Variants in LAMA2 observed in about 807,000 individuals in gnomAD.
LAMA2 encodes laminin subunit alpha 2.
Under a neutral mutation model 364.8 loss-of-function variants are expected in LAMA2, and 269 were observed. The ratio of observed to expected loss-of-function variants is 0.74; its 90% CI spans 0.67 to 0.82. LAMA2 has a LOEUF of 0.82. Among genes scored for constraint, LAMA2 ranks in the 40% least tolerant of loss-of-function variants. The pLI is 0.00. For synonymous variants in LAMA2, 1,379 were observed against 1,370.6 expected, an observed-to-expected ratio of 1.01 and a Z score of -0.14; for missense variants, 3,807 against 3,873.2, an observed-to-expected ratio of 0.98 and a Z score of 0.45.
intron 1 of LAMA2, among the ~76,000 whole-genome samples, chr6:128,948,905 A>G (rs1478208496): frequency 6.6e-6 from 1 of 152,198 alleles, no homozygotes; most frequent in East Asian, 1.9e-4. Context: ...CAGCCTGCAG[A>G]ACAGAGAACC....
chr6:129,516,398 TAAAACAAACAAA>T lies in LAMA2; in HGVS notation c.*52_*63del, dbSNP rs1562647814. On this transcript the variant is annotated 3_prime_UTR_variant, in exon 65 of 65. Transcript: ENST00000421865. ...AGTCTGTCAAAACAAGTATATCAAG[TAAAACAAACAAA>T]TATATTTTACCTATATATGTTAATT... is the stretch of plus-strand genomic sequence containing the variant. The T allele has an allele frequency of 6.5e-7, 1 of 1,546,976 alleles. No homozygotes were observed. The highest frequency in any genetic ancestry group is 1.8e-5 in the Admixed American group (1 of 56,928).
intron 3 of LAMA2, among the ~76,000 whole-genome samples, chr6:129,082,766 T>C (rs940659506): frequency 6.6e-6 from 1 of 152,140 alleles, no homozygotes; most frequent in African/African-American, 2.4e-5. Context: ...TACATGCTTA[T>C]ATAAAAGTAC....
chr6:129,292,695 C>T (rs754078283), intron 20 of LAMA2: 2 of 509,086 alleles, frequency 3.9e-6, no homozygotes, highest in Non-Finnish European at 5.1e-6. Flanking sequence ...TCTCCGATGT[C>T]AAACTGGCCT....
chr6:128,981,988 G>A (rs1028541055), intron 1 of LAMA2, among the ~76,000 whole-genome samples: 1 of 152,102 alleles, frequency 6.6e-6, no homozygotes, highest in African/African-American at 2.4e-5. Flanking sequence ...CTCTAACATA[G>A]CATGAGTCAC....
intron 43 of LAMA2, chr6:129,442,292 T>C: frequency 9.2e-7 from 1 of 1,081,494 alleles, no homozygotes; most frequent in Non-Finnish European, 1.2e-6. Context: ...CAAGGAAGAG[T>C]ACAAACACAT....
At chr6:129,106,435 C>G (rs1273578748) in intron 4 of LAMA2, among the ~76,000 whole-genome samples, 3 of 152,104 alleles carry the variant, frequency 2.0e-5, no homozygotes, top group Non-Finnish European at 4.4e-5. Flanking sequence ...GAAGACCTAG[C>G]CTTTCTCAAT....
chr6:129,222,268 A>C lies in LAMA2; in HGVS notation c.1783-27844A>C, dbSNP rs72973220. On this transcript the variant is annotated intron_variant, in intron 12 of 64. Transcript: ENST00000421865. ...TCATAAATCAAGTCTTCTCATCTTT[A>C]AAATGGAATTAGTAGGAGTACTTAG... 3.2e-3 allele frequency among the ~76,000 whole-genome samples: 480 copies of C among 152,246 alleles called. 2 individuals carry two copies. The highest frequency in any genetic ancestry group is 4.9e-3 in the Non-Finnish European group (335 of 68,006).
chr6:129,301,735 G>T (rs1001595064), intron 22 of LAMA2, among the ~76,000 whole-genome samples: 7 of 152,120 alleles, frequency 4.6e-5, no homozygotes, highest in African/African-American at 1.7e-4. Flanking sequence ...CCCATTTATA[G>T]TAATGAATTT....
At chr6:128,990,664 T>A (rs746119954) in intron 1 of LAMA2, among the ~76,000 whole-genome samples, 4 of 152,160 alleles carry the variant, frequency 2.6e-5, no homozygotes, top group Admixed American at 2.0e-4. Flanking sequence ...TATTTTGTTT[T>A]TAAATAGGCC....
chr6:129,388,681 A>C (rs977216451), intron 35 of LAMA2, among the ~76,000 whole-genome samples: 1 of 152,182 alleles, frequency 6.6e-6, no homozygotes. Context: ...ATACACGCAC[A>C]CACACACACG....
chr6:129,401,191 C>T (rs1476248908), intron 37 of LAMA2, 33 bp from the exon 38 acceptor site: 2 of 1,340,438 alleles, frequency 1.5e-6, no homozygotes, highest in Non-Finnish European at 2.1e-6. Flanking sequence ...TATGAAAATG[C>T]AATTTTGATG....
At chr6:129,068,839 T>C (rs1219951697) in intron 3 of LAMA2, among the ~76,000 whole-genome samples, 4 of 152,222 alleles carry the variant, frequency 2.6e-5, no homozygotes, top group African/African-American at 9.6e-5. Context: ...GGGACTGTCA[T>C]TTTTTGTTTT....
intron 12 of LAMA2, among the ~76,000 whole-genome samples, chr6:129,198,759 A>G (rs1781999952): frequency 6.6e-6 from 1 of 152,178 alleles, no homozygotes; most frequent in Non-Finnish European, 1.5e-5. Flanking sequence ...CAATAAGAAT[A>G]CAATTTAGAA....
At position 128,973,359 on chromosome 6, in the gene LAMA2, T is replaced by C. The variant is rs1033433655; in HGVS notation, c.113-76559T>C. Among the ~76,000 whole-genome samples the C allele has an allele frequency of 2.0e-5, 3 of 152,332 alleles. No individual in the cohort carries two copies. The East Asian group carries it at 5.8e-4, about 29-fold the overall frequency. ...ACACTGATAATAAGAGAGTTTGACA[T>C]TCTTTATAATTTTTCTTTTGCCAGG... On this transcript the variant is annotated intron_variant, in intron 1 of 64. Transcript: ENST00000421865.
rs202159946 is a variant in LAMA2, at chr6:129,512,395, G to T, written c.8890G>T (p.Val2964Leu). The T allele has an allele frequency of 4.4e-5, 71 of 1,613,502 alleles. No individual in the cohort carries two copies. Among genetic ancestry groups the T allele is most frequent in the Non-Finnish European group, 5.1e-6 (6 of 1,179,602 alleles). The part of the protein sequence containing the change: ...GGFKVGLDLL[V>L]EFEFRTTTTT... The stretch of plus-strand genomic sequence containing the variant: ...ATTCAAAGTGGGATTGGACCTTCTT[G>T]TAGAATTTGAATTCCGCACAACTAC... The change falls in exon 63 of 65, where the codon GTA (valine) becomes TTA (leucine). Residue 2964 changes from valine to leucine, a missense_variant. Around this residue, in one of 3 missense-constraint regions of LAMA2, gnomAD observed 3,333 missense variants for 3,345.7 expected, o/e 1.00. Coordinates refer to ENST00000421865, the MANE Select transcript of LAMA2 (RefSeq NM_000426.4).
At position 129,502,740 on chromosome 6, in the gene LAMA2, A is replaced by T. The variant is rs569286697; in HGVS notation, c.8326A>T (p.Ile2776Phe). Residue 2776 changes from isoleucine to phenylalanine, a missense_variant, in exon 59 of 65, where the codon ATT becomes TTT. Physicochemically the swap from Ile to Phe is conservative, Grantham distance 21 (BLOSUM62 0). This residue lies in a region of LAMA2 where 3,333 missense variants were observed against 3,345.7 expected (regional missense o/e 1.00). Coordinates refer to ENST00000421865, the MANE Select transcript of LAMA2 (RefSeq NM_000426.4). ...GCTTTCAAGAAACAGTCACATTGCA[A>T]TTGCATTTGATGACACCAAAGTTAA... ...FGLSRNSHIA[I>F]AFDDTKVKNR... 25 of 1,613,526 alleles carry T rather than the reference A, an allele frequency of 1.5e-5. No homozygotes were observed. The Admixed American group carries it at 3.0e-4, about 19-fold the overall frequency.
Position 128,955,378 on chromosome 6 carries a change from T to C in LAMA2, c.112+72021T>C, listed in dbSNP as rs111268548. 9.1e-3 allele frequency among the ~76,000 whole-genome samples: 1,377 copies of C among 152,052 alleles called. 19 individuals are homozygous for C. The highest frequency in any genetic ancestry group is 0.03 in the Admixed American group (463 of 15,250). On this transcript the variant is annotated intron_variant, in intron 1 of 64. Transcript: ENST00000421865. ...TTTACTGGGGCCACACAGCTAGGAATTGGCAGAACCAGGATTTAGGCACTA... is the reference window on the plus strand; with the variant it reads ...TTTACTGGGGCCACACAGCTAGGAACTGGCAGAACCAGGATTTAGGCACTA...
intron 40 of LAMA2, among the ~76,000 whole-genome samples, chr6:129,410,804 T>G (rs1780504055): frequency 1.3e-5 from 2 of 152,218 alleles, no homozygotes; most frequent in Admixed American, 6.5e-5. Context: ...TTATGAAGAA[T>G]TGGCTTACGT....
In LAMA2 at chr6:129,328,340, C is replaced by G. The variant is rs770520233; in HGVS notation, c.4239C>G (p.Thr1413=). The G allele has an allele frequency of 8.7e-6, 14 of 1,614,154 alleles. No homozygotes were observed. In the South Asian group the frequency reaches 1.4e-4, roughly 16 times the overall value. The change falls in exon 29 of 65, where the codon ACC becomes ACG. Residue 1413 remains threonine, a synonymous_variant. Transcript: ENST00000421865. ...SQPGGRTPGP[T]LGTCVPCQCN... is the part of the protein sequence containing the mutation. ...CAGGTGGCCGCACCCCTGGACCAAC[C>G]CTGGGCACCTGTGTTCCATGTCAAT...
Sources: allele counts gnomAD v4.1 joint callset (sites outside exome capture counted in the v4.1 genomes callset), GRCh38; gene constraint gnomAD v4.1.1; regional missense constraint gnomAD v4.1.1; transcripts MANE v1.5; gene names NCBI Gene and HGNC (gene_info 2026-07-23, HGNC 2026-07-21).